The following PPP2R2B variants were observed in gnomAD, a reference collection of about 807,000 sequenced individuals.
PPP2R2B encodes the protein serine/threonine-protein phosphatase 2A 55 kDa regulatory subunit B beta isoform.
Under a neutral mutation model 46.0 loss-of-function variants are expected in PPP2R2B, and 5 were observed. The observed-to-expected ratio is 0.11, with a 90% CI of 0.06 to 0.23. The LOEUF is 0.23. PPP2R2B is among the 10% of genes least tolerant of loss of function. The pLI is 1.00. For missense variants in PPP2R2B, 367 were observed against 575.0 expected (o/e 0.64, Z 3.70); for synonymous variants, 215 against 206.7 (o/e 1.04, Z -0.34).
chr5:146,983,341 C>T (rs536863219), intron 1 of PPP2R2B, among the ~76,000 whole-genome samples: 7 of 151,762 alleles, frequency 4.6e-5, no homozygotes, highest in South Asian at 4.2e-4. Context: ...CCACCACGCC[C>T]GGCTAATTTT....
At chr5:146,622,073 C>T (rs1023587386) in intron 7 of PPP2R2B, among the ~76,000 whole-genome samples, 4 of 152,292 alleles carry the variant, frequency 2.6e-5, no homozygotes, top group Non-Finnish European at 5.9e-5. Flanking sequence ...GCTTCCCTGG[C>T]TACCTCTCCT....
intron 1 of PPP2R2B, among the ~76,000 whole-genome samples, chr5:147,034,696 C>T (rs1290666782): frequency 1.3e-5 from 2 of 151,836 alleles, no homozygotes; most frequent in Admixed American, 1.3e-4. Context: ...TCTTTTATTC[C>T]TGTCAATGTG....
In PPP2R2B at chr5:146,878,209, G is replaced by A. The variant is rs536462185; in HGVS notation, c.-124-14C>T. On this transcript the variant is annotated splice_polypyrimidine_tract_variant and intron_variant, in intron 1 of 9. Coordinates refer to ENST00000394411, the MANE Select transcript of PPP2R2B (RefSeq NM_181675.4). The surrounding 1 kb of genome is among the most constrained non-coding windows in gnomAD (Gnocchi z 4.5). ...CATGGTCCGAGCCTGAGGAGGAGAC[G>A]GGGAGGCGGAGAGAAAAAAAATAAA... 12 of 1,559,000 alleles carry A rather than the reference G, an allele frequency of 7.7e-6. No individual in the cohort carries two copies. Among genetic ancestry groups the A allele is most frequent in the South Asian group, 2.3e-5 (2 of 85,838 alleles).
At chr5:146,727,291 A>AC (rs1751935815) in intron 2 of PPP2R2B, among the ~76,000 whole-genome samples, 5 of 149,016 alleles carry the variant, frequency 3.4e-5, no homozygotes, top group Admixed American at 3.3e-4. Flanking sequence ...AAAGGGTAGG[A>AC]TTATGAGAGG....
chr5:147,038,005 G>A (rs1472797096), intron 1 of PPP2R2B, among the ~76,000 whole-genome samples: 1 of 152,118 alleles, frequency 6.6e-6, no homozygotes, highest in Non-Finnish European at 1.5e-5. Flanking sequence ...TCCTGTTGGC[G>A]AATCATTGCC....
chr5:146,874,629 A>G (rs1215348031), intron 2 of PPP2R2B, among the ~76,000 whole-genome samples: 4 of 152,182 alleles, frequency 2.6e-5, no homozygotes, highest in Non-Finnish European at 1.5e-5. Flanking sequence ...AAAACACCCC[A>G]TCTATGTAGA....
chr5:146,897,988 C>G (rs887830969), intron 1 of PPP2R2B, among the ~76,000 whole-genome samples: 2 of 152,236 alleles, frequency 1.3e-5, no homozygotes, highest in Admixed American at 1.3e-4. Flanking sequence ...AGTTTGAGAC[C>G]AGCCTGGCCA....
chr5:146,720,814 T>C (rs1014447737), intron 2 of PPP2R2B, among the ~76,000 whole-genome samples: 1 of 152,202 alleles, frequency 6.6e-6, no homozygotes, highest in African/African-American at 2.4e-5. Flanking sequence ...CTTATTCTAG[T>C]GTGGAGTAAA....
chr5:146,796,821 T>C (rs1330341546), intron 2 of PPP2R2B, among the ~76,000 whole-genome samples: 3 of 152,316 alleles, frequency 2.0e-5, no homozygotes, highest in African/African-American at 7.2e-5. Context: ...AGTTAGGCCA[T>C]TGATTCTTAG....
chr5:146,880,065 T>A (rs749329119), upstream of PPP2R2B, among the ~76,000 whole-genome samples: 7 of 152,220 alleles, frequency 4.6e-5, no homozygotes, highest in Non-Finnish European at 1.0e-4. Context: ...GTCATTAGAT[T>A]TCCATGCAGT....
chr5:146,722,890 C>A (rs1751614268), intron 2 of PPP2R2B, among the ~76,000 whole-genome samples: 1 of 152,162 alleles, frequency 6.6e-6, no homozygotes. Flanking sequence ...TCTTTGACTT[C>A]TCTCTTGTCT....
upstream of PPP2R2B, among the ~76,000 whole-genome samples, chr5:147,060,348 C>T (rs1757220080): frequency 6.6e-6 from 1 of 152,186 alleles, no homozygotes; most frequent in African/African-American, 2.4e-5. Context: ...TACTCTCAGC[C>T]AGGTGTGGTG....
At chr5:146,898,012 C>T (rs1762701881) in intron 1 of PPP2R2B, among the ~76,000 whole-genome samples, 1 of 152,102 alleles carries the variant, frequency 6.6e-6, no homozygotes, top group South Asian at 2.1e-4. Flanking sequence ...TGGCAAAACC[C>T]CGTGTCTACT....
intron 1 of PPP2R2B, among the ~76,000 whole-genome samples, chr5:147,025,224 A>G (rs1309731154): frequency 6.6e-6 from 1 of 152,068 alleles, no homozygotes; most frequent in Non-Finnish European, 1.5e-5. Flanking sequence ...CAAAACTGAT[A>G]TGTAAAGAAT....
At chr5:146,736,145 G>A (rs1043901023) in intron 2 of PPP2R2B, among the ~76,000 whole-genome samples, 1 of 152,082 alleles carries the variant, frequency 6.6e-6, no homozygotes, top group Non-Finnish European at 1.5e-5. Context: ...CCTTCACTGG[G>A]CACACATTAT....
In PPP2R2B at chr5:146,600,466, G is replaced by C. The variant is rs1771672360; in HGVS notation, c.791-6C>G. On this transcript the variant is annotated splice_polypyrimidine_tract_variant and splice_region_variant and intron_variant, in intron 7 of 9. Coordinates refer to ENST00000394411, the MANE Select transcript of PPP2R2B (RefSeq NM_181675.4). ...ATCTTCCGGCTCTTCAAAAACTGCA[G>C]AACAAAAGCAAAACAAGACAAATTT... is the stretch of plus-strand genomic sequence containing the variant. 1.2e-6 allele frequency: 2 copies of C among 1,613,226 alleles called. No individual in the cohort carries two copies. Among genetic ancestry groups the C allele is most frequent in the African/African-American group, 1.3e-5 (1 of 74,870 alleles).
At chr5:146,827,086 G>A (rs1262912991) in intron 2 of PPP2R2B, among the ~76,000 whole-genome samples, 3 of 152,118 alleles carry the variant, frequency 2.0e-5, no homozygotes, top group South Asian at 4.2e-4. Context: ...GTCCACAAAG[G>A]TATGGCTACT....
intron 2 of PPP2R2B, among the ~76,000 whole-genome samples, chr5:146,868,440 C>G (rs963068869): frequency 6.6e-6 from 1 of 152,162 alleles, no homozygotes; most frequent in African/African-American, 2.4e-5. Flanking sequence ...CAGAACATAT[C>G]AAAGAGACCT....
chr5:146,898,599 G>A (rs1762723998), intron 1 of PPP2R2B, among the ~76,000 whole-genome samples: 1 of 150,128 alleles, frequency 6.7e-6, no homozygotes, highest in African/African-American at 2.5e-5. Flanking sequence ...AAAAGCAATG[G>A]CAACAAAAGC....
Sources: gnomAD v4.1 joint callset for allele counts (sites outside exome capture counted in the v4.1 genomes callset) on GRCh38, gnomAD v4.1.1 for gene constraint, Gnocchi (gnomAD v3.1) non-coding constraint, MANE v1.5 for transcripts, NCBI Gene and HGNC (gene_info 2026-07-23, HGNC 2026-07-21) for gene names.